KMT2C: variants seen among roughly 807,000 people sequenced by gnomAD.
The protein encoded by KMT2C is histone-lysine N-methyltransferase 2C.
KMT2C carries 88 observed loss-of-function variants against 507.9 expected under a neutral mutation model. The observed-to-expected ratio is 0.17, with a 90% CI of 0.15 to 0.21. KMT2C has a LOEUF of 0.21. Among genes scored for constraint, KMT2C ranks in the 10% least tolerant of loss-of-function variants. The pLI is 1.00. For missense variants in KMT2C, 4,954 were observed against 5,957.8 expected (o/e 0.83, Z 5.55); for synonymous variants, 2,049 against 2,080.8 (o/e 0.98, Z 0.42).
chr7:152,414,783 A>C (rs2097717639), intron 1 of KMT2C, among the ~76,000 whole-genome samples: 1 of 151,932 alleles, frequency 6.6e-6, no homozygotes, highest in Admixed American at 6.6e-5. Flanking sequence ...GGCGTGAGCC[A>C]CTGCACCTGG....
chr7:152,271,456 G>A (rs185788548), intron 7 of KMT2C, among the ~76,000 whole-genome samples: 11 of 152,096 alleles, frequency 7.2e-5, no homozygotes, highest in African/African-American at 1.9e-4. Context: ...GGCAGATCAC[G>A]AGGTCAGGAG....
rs554908564 is a variant in KMT2C at position 152,145,358 on chromosome 7, G to C, written c.14032-63C>G. 3.1e-5 allele frequency: 48 copies of C among 1,535,868 alleles called. No individual in the cohort carries two copies. The South Asian group carries it at 4.5e-4, about 15-fold the overall frequency. Reference sequence around the variant, plus strand: ...TGATGGAGACTACAGACAATCTCAAGCTGGTCAAAGGATGGCCCACGACAG... The same window carrying C: ...TGATGGAGACTACAGACAATCTCAACCTGGTCAAAGGATGGCCCACGACAG... On this transcript the variant is annotated intron_variant, in intron 53 of 58. Transcript: ENST00000262189.
chr7:152,342,286 G>A (rs2097002542), intron 2 of KMT2C, among the ~76,000 whole-genome samples: 1 of 152,064 alleles, frequency 6.6e-6, no homozygotes, highest in East Asian at 1.9e-4. Flanking sequence ...GTCACAAATG[G>A]TAATCTTGAT....
chr7:152,367,743 G>C (rs975086086), intron 1 of KMT2C: 1 of 1,087,010 alleles, frequency 9.2e-7, no homozygotes, highest in African/African-American at 1.6e-5. Flanking sequence ...GCCTCTTATC[G>C]ATTACATTGA....
In KMT2C at chr7:152,435,905, T is replaced by C; in HGVS notation, c.-119A>G. On this transcript the variant is annotated 5_prime_UTR_variant, in exon 1 of 59. An upstream start codon of the reference 5' UTR is lost. Coordinates refer to ENST00000262189, the MANE Select transcript of KMT2C (RefSeq NM_170606.3). ...CTCCTCCCCGGCTCAGCCTCTCGCA[T>C]TTCCCGCAGCCCCGGGAGCAGCAGC... The C allele has an allele frequency of 8.8e-7, 1 of 1,135,074 alleles. No homozygotes were observed. Among genetic ancestry groups the C allele is most frequent in the Non-Finnish European group, 1.2e-6 (1 of 844,796 alleles). The allele number at this position is 1,135,074 out of a possible 1,614,324, so 70.3% of individuals were successfully genotyped here.
chr7:152,370,827 A>G (rs1334850546), intron 1 of KMT2C, among the ~76,000 whole-genome samples: 1 of 152,208 alleles, frequency 6.6e-6, no homozygotes, highest in Non-Finnish European at 1.5e-5. Flanking sequence ...ATCGGAACAT[A>G]GCCATGTATA....
chr7:152,156,227 G>A lies in KMT2C; in HGVS notation c.11790C>T (p.Ala3930=), dbSNP rs767946417. The change falls in exon 45 of 59, where the codon GCC becomes GCT. Residue 3930 remains alanine (A), a synonymous_variant. Coordinates refer to ENST00000262189, the MANE Select transcript of KMT2C (RefSeq NM_170606.3). ...FATTEELAGK[A]GVLVSHEVTK... is the part of the protein sequence containing the mutation. Reference sequence around the variant, plus strand: ...TACCTTCATGGCTCACTAACACTCCGGCTTTTCCAGCAAGTTCTTCAGTTG... The same window carrying A: ...TACCTTCATGGCTCACTAACACTCCAGCTTTTCCAGCAAGTTCTTCAGTTG... The A allele has an allele frequency of 4.0e-5, 64 of 1,614,072 alleles. No homozygotes were observed. The highest frequency in any genetic ancestry group is 2.1e-4 in the South Asian group (19 of 91,080).
rs773370171 is a variant in KMT2C at position 152,152,921 on chromosome 7, G to C, written c.12310C>G (p.Leu4104Val). ...ISSVVAAFSDLLHVRIPNSYE... is the reference protein window; with the variant it reads ...ISSVVAAFSDVLHVRIPNSYE... ...CTGTTAGGGATTCGGACGTGAAGAAGGTCGGAAAATGCAGCCACAACACTG... is the reference window on the plus strand; with the variant it reads ...CTGTTAGGGATTCGGACGTGAAGAACGTCGGAAAATGCAGCCACAACACTG... The change falls in exon 49 of 59, where the codon CTT becomes GTT. Residue 4104 changes from leucine (L) to valine (V), a missense_variant. Coordinates refer to ENST00000262189, the MANE Select transcript of KMT2C (RefSeq NM_170606.3). The C allele has an allele frequency of 1.9e-6, 3 of 1,614,190 alleles. No homozygotes were observed.
chr7:152,370,020 C>T (rs1046910610), intron 1 of KMT2C, among the ~76,000 whole-genome samples: 13 of 151,944 alleles, frequency 8.6e-5, no homozygotes, highest in African/African-American at 2.7e-4. Context: ...GGTGAAACCC[C>T]GTCTCTACTA....
chr7:152,417,181 T>C (rs1242270920), intron 1 of KMT2C, among the ~76,000 whole-genome samples: 1 of 151,784 alleles, frequency 6.6e-6, no homozygotes, highest in East Asian at 1.9e-4. Flanking sequence ...TACTAAGTAA[T>C]AGGCACAGCT....
intron 9 of KMT2C, among the ~76,000 whole-genome samples, chr7:152,261,034 C>T (rs78854480): frequency 9.9e-5 from 15 of 151,034 alleles, no homozygotes; most frequent in South Asian, 2.1e-4. Context: ...AACAATTTTG[C>T]CTCAAAACAG....
chr7:152,197,591 A>AT (rs1219145026), intron 27 of KMT2C, among the ~76,000 whole-genome samples: 3 of 152,138 alleles, frequency 2.0e-5, no homozygotes, highest in South Asian at 4.1e-4. Flanking sequence ...AATCTGGATA[A>AT]TTTTTTTAGG....
In KMT2C at chr7:152,406,640, C is replaced by G. The variant is rs796911857; in HGVS notation, c.161+28986G>C. 1.3e-4 allele frequency among the ~76,000 whole-genome samples: 19 copies of G among 151,366 alleles called. No homozygotes were observed. In the East Asian group the frequency reaches 3.0e-3, roughly 24 times the overall value. On this transcript the variant is annotated intron_variant, in intron 1 of 58. Transcript: ENST00000262189. ...TCAAGTGATCCTCCTGCCTCAGCCT[C>G]CCAAATAACTGGGACTATAGGTGTA...
At chr7:152,393,247 G>C (rs184165121) in intron 1 of KMT2C, among the ~76,000 whole-genome samples, 1 of 152,090 alleles carries the variant, frequency 6.6e-6, no homozygotes, top group Admixed American at 6.6e-5. Flanking sequence ...TGGACTCTGC[G>C]ATCACCAGCC....
chr7:152,277,920 T>G (rs1002705122), intron 6 of KMT2C, among the ~76,000 whole-genome samples: 1 of 152,216 alleles, frequency 6.6e-6, no homozygotes, highest in East Asian at 1.9e-4. Flanking sequence ...ATGCAAAATA[T>G]ACTACATAAC....
At chr7:152,215,702 C>CAT (rs1563431596) in intron 23 of KMT2C, among the ~76,000 whole-genome samples, 2 of 134,662 alleles carry the variant, frequency 1.5e-5, no homozygotes, top group African/African-American at 6.8e-5. Flanking sequence ...CACACACATA[C>CAT]ACACACAAAA....
At chr7:152,190,131 C>A (rs1460588859) in intron 31 of KMT2C, among the ~76,000 whole-genome samples, 1 of 152,198 alleles carries the variant, frequency 6.6e-6, no homozygotes, top group Non-Finnish European at 1.5e-5. Context: ...CCCCAACCCA[C>A]CAACCTGGGT....
chr7:152,181,747 C>T lies in KMT2C; in HGVS notation c.6113G>A (p.Ser2038Asn), dbSNP rs768034442. ...RPLLTPAPLD[S>N]GPGPFKTPMQ... ...TGGAGTCTTAAAAGGTCCAGGACCA[C>T]TATCAAGAGGTGCAGGTGTCAACAA... Residue 2038 changes from serine (S) to asparagine (N), a missense_variant, in exon 36 of 59, where the codon AGT becomes AAT. Coordinates refer to ENST00000262189, the MANE Select transcript of KMT2C (RefSeq NM_170606.3). 1 of 1,614,078 alleles carries T rather than the reference C, an allele frequency of 6.2e-7. No individual in the cohort carries two copies. Among genetic ancestry groups the T allele is most frequent in the Admixed American group, 1.7e-5 (1 of 60,010 alleles).
At chr7:152,368,218 A>G in intron 1 of KMT2C, 1 of 893,732 alleles carries the variant, frequency 1.1e-6, no homozygotes. Context: ...AAATATGCTG[A>G]TAAAAACACA....
Sources: gnomAD v4.1 joint callset for allele counts (sites outside exome capture counted in the v4.1 genomes callset) on GRCh38, gnomAD v4.1.1 for gene constraint, MANE v1.5 for transcripts, NCBI Gene and HGNC (gene_info 2026-07-23, HGNC 2026-07-21) for gene names.